The following GRM3 variants were observed in gnomAD, a reference collection of about 807,000 sequenced individuals.
GRM3 encodes glutamate metabotropic receptor 3.
In GRM3, 26 loss-of-function variants were observed where a neutral mutation model predicts 70.5. The ratio of observed to expected loss-of-function variants is 0.37; its 90% CI spans 0.27 to 0.51. GRM3 has a LOEUF of 0.51. Ranked by LOEUF, GRM3 falls within the 20% of genes least tolerant of loss-of-function variation. GRM3 has a pLI of 0.93. For synonymous variants in GRM3, 443 were observed against 434.9 expected (o/e 1.02, Z -0.23); for missense variants, 859 against 1,123.8 (o/e 0.76, Z 3.37).
intron 1 of GRM3, among the ~76,000 whole-genome samples, chr7:86,732,790 C>G (rs548659030): frequency 6.6e-6 from 1 of 152,204 alleles, no homozygotes; most frequent in South Asian, 2.1e-4. Flanking sequence ...GAAAATAATT[C>G]TGGAATATCA....
chr7:86,845,762 C>G (rs912959748), intron 4 of GRM3, among the ~76,000 whole-genome samples: 1 of 152,184 alleles, frequency 6.6e-6, no homozygotes, highest in Non-Finnish European at 1.5e-5. Flanking sequence ...AAGCACTCAG[C>G]AGCTACCTAT....
At chr7:86,708,196 A>G (rs1173217755) in intron 1 of GRM3, among the ~76,000 whole-genome samples, 1 of 152,134 alleles carries the variant, frequency 6.6e-6, no homozygotes, top group Non-Finnish European at 1.5e-5. Flanking sequence ...CTTCTGGGCC[A>G]TATGCCAAGC....
chr7:86,761,769 C>T (rs1040731668), intron 1 of GRM3, among the ~76,000 whole-genome samples: 1 of 152,112 alleles, frequency 6.6e-6, no homozygotes, highest in Non-Finnish European at 1.5e-5. Flanking sequence ...TGGTAACAGG[C>T]TCTATTAATC....
intron 1 of GRM3, among the ~76,000 whole-genome samples, chr7:86,669,628 G>A (rs1279305059): frequency 1.3e-5 from 2 of 152,120 alleles, no homozygotes; most frequent in East Asian, 3.8e-4. Context: ...TAGTAACGTT[G>A]AATGTGGAAA....
chr7:86,741,992 C>T (rs1584207261), intron 1 of GRM3, among the ~76,000 whole-genome samples: 1 of 152,176 alleles, frequency 6.6e-6, no homozygotes, highest in Non-Finnish European at 1.5e-5. Flanking sequence ...TTAATTTTCT[C>T]ATGAAGCTGC....
intron 2 of GRM3, among the ~76,000 whole-genome samples, chr7:86,771,054 G>A (rs950527354): frequency 6.6e-6 from 1 of 152,014 alleles, no homozygotes; most frequent in Non-Finnish European, 1.5e-5. Flanking sequence ...TCACTGATCT[G>A]GAGCAAGGTA....
intron 1 of GRM3, among the ~76,000 whole-genome samples, chr7:86,689,792 A>T (rs1211668665): frequency 1.3e-5 from 2 of 152,186 alleles, no homozygotes; most frequent in Non-Finnish European, 2.9e-5. Flanking sequence ...GAAAATTTTG[A>T]AGTTTAAACT....
At chr7:86,690,484 G>A (rs1794671688) in intron 1 of GRM3, among the ~76,000 whole-genome samples, 1 of 152,116 alleles carries the variant, frequency 6.6e-6, no homozygotes, top group Non-Finnish European at 1.5e-5. Context: ...CAGTGAGAAA[G>A]TGAGAGATAA....
At chr7:86,713,574 G>A (rs77669317) in intron 1 of GRM3, among the ~76,000 whole-genome samples, 5,097 of 151,668 alleles carry the variant, frequency 0.034, 96 homozygotes, top group East Asian at 0.063. Context: ...CCTACCCCCC[G>A]TCAAACCTCA....
chr7:86,781,912 C>T (rs187279470), intron 2 of GRM3, among the ~76,000 whole-genome samples: 1 of 152,176 alleles, frequency 6.6e-6, no homozygotes, highest in African/African-American at 2.4e-5. Context: ...TTTCTCTTTT[C>T]CTCAAGAGTC....
At position 86,676,982 on chromosome 7, in the gene GRM3, TTA is replaced by T. The variant is rs1435312662; in HGVS notation, c.-141+32111_-141+32112del. 7.9e-5 allele frequency among the ~76,000 whole-genome samples: 12 copies of T among 152,134 alleles called. 1 individual carries two copies. Among genetic ancestry groups the T allele is most frequent in the African/African-American group, 2.6e-4 (11 of 41,554 alleles). Reference sequence around the variant, plus strand: ...CTTTACAACAGTAGGTACCAAGGCCTTAAATCTGCATTCTAAGCCTCATATAG... The same window carrying T: ...CTTTACAACAGTAGGTACCAAGGCCTAATCTGCATTCTAAGCCTCATATAG... On this transcript the variant is annotated intron_variant, in intron 1 of 5. Coordinates refer to ENST00000361669, the MANE Select transcript of GRM3 (RefSeq NM_000840.3).
At chr7:86,714,553 A>G (rs1316980759) in intron 1 of GRM3, among the ~76,000 whole-genome samples, 1 of 152,062 alleles carries the variant, frequency 6.6e-6, no homozygotes, top group Non-Finnish European at 1.5e-5. Flanking sequence ...ACCTAAGTCC[A>G]GAATATAATA....
At position 86,644,544 on chromosome 7, in the gene GRM3, A is replaced by T. The variant is rs931676051; in HGVS notation, c.-469A>T. On this transcript the variant is annotated 5_prime_UTR_variant, in exon 1 of 6. Transcript: ENST00000361669. ...GACCACTGGGTCCCCTCTTTCCCCAACCTCCTCCCTCTCTTCTACTCCACC... is the reference window on the plus strand; with the variant it reads ...GACCACTGGGTCCCCTCTTTCCCCATCCTCCTCCCTCTCTTCTACTCCACC... The T allele has an allele frequency of 1.1e-5, 4 of 374,262 alleles. No individual in the cohort carries two copies. The highest frequency in any genetic ancestry group is 5.3e-6 in the Non-Finnish European group (1 of 188,534). 23.2% of individuals were successfully genotyped at this position (374,262 alleles called of 1,614,324 possible).
intron 1 of GRM3, among the ~76,000 whole-genome samples, chr7:86,752,087 C>T (rs1288311744): frequency 1.3e-5 from 2 of 152,022 alleles, no homozygotes; most frequent in African/African-American, 4.8e-5. Flanking sequence ...ACAAACTGAA[C>T]ACACCTCATG....
At chr7:86,675,075 ATAT>A (rs1297349804) in intron 1 of GRM3, among the ~76,000 whole-genome samples, 2 of 152,120 alleles carry the variant, frequency 1.3e-5, no homozygotes, top group Non-Finnish European at 2.9e-5. Context: ...TGAGGGCAAC[ATAT>A]TATTCATTTT....
intron 1 of GRM3, among the ~76,000 whole-genome samples, chr7:86,713,445 C>A (rs1236198557): frequency 6.6e-6 from 1 of 151,944 alleles, no homozygotes; most frequent in Non-Finnish European, 1.5e-5. Context: ...TAACTATCAC[C>A]TTCCTCCACA....
chr7:86,839,641 G>T lies in GRM3; in HGVS notation c.2127G>T (p.Leu709=). The change falls in exon 4 of 6, where the codon CTG becomes CTT. Residue 709 remains leucine (L), a synonymous_variant. Transcript: ENST00000361669. This position sits in a 1 kb window ranked among gnomAD's most constrained non-coding sequence, Gnocchi z 4.5. ...TGATGGTGTCTGTGTGGCTCATCCT[G>T]GAGGCCCCAGGCACCAGGAGGTATA... The part of the protein sequence containing the change: ...QIVMVSVWLI[L]EAPGTRRYTL... 3.1e-6 allele frequency: 5 copies of T among 1,613,900 alleles called. No individual in the cohort carries two copies. The highest frequency in any genetic ancestry group is 4.2e-6 in the Non-Finnish European group (5 of 1,179,880).
At chr7:86,815,772 T>C (rs1207076853) in intron 3 of GRM3, among the ~76,000 whole-genome samples, 2 of 151,936 alleles carry the variant, frequency 1.3e-5, no homozygotes, top group African/African-American at 4.8e-5. Context: ...AACCAGACTT[T>C]ATCCTGTCTC....
chr7:86,734,584 T>C (rs1490806533), intron 1 of GRM3, among the ~76,000 whole-genome samples: 3 of 152,200 alleles, frequency 2.0e-5, no homozygotes, highest in East Asian at 3.9e-4. Context: ...TTCCCATAAA[T>C]GTCACACAGG....
Sources: allele counts gnomAD v4.1 joint callset (sites outside exome capture counted in the v4.1 genomes callset), GRCh38; gene constraint gnomAD v4.1.1; non-coding constraint Gnocchi (gnomAD v3.1); transcripts MANE v1.5; gene names NCBI Gene and HGNC (gene_info 2026-07-23, HGNC 2026-07-21).